Variants in RASAL2 observed in about 807,000 individuals in gnomAD.
RASAL2 encodes the protein RAS protein activator like 2, also known as ras GTPase-activating protein nGAP.
A neutral mutation model predicts 128.9 loss-of-function variants in RASAL2; 58 were observed. The ratio of observed to expected loss-of-function variants is 0.45; its 90% CI spans 0.36 to 0.56. RASAL2 has a LOEUF of 0.56. RASAL2 is among the 20% of genes least tolerant of loss of function. The probability of loss-of-function intolerance (pLI) is 0.00; values close to 1 mark genes in which losing one functional copy is unlikely to be tolerated. For synonymous variants in RASAL2, 561 were observed against 580.8 expected, an observed-to-expected ratio of 0.97 and a Z score of 0.49; for missense variants, 1,360 against 1,601.6, an observed-to-expected ratio of 0.85 and a Z score of 2.57.
intron 1 of RASAL2, among the ~76,000 whole-genome samples, chr1:178,188,289 A>C (rs530472861): frequency 3.9e-5 from 6 of 152,026 alleles, no homozygotes; most frequent in Non-Finnish European, 8.8e-5. Context: ...TGTTTCCTCA[A>C]ATTCATTGAG....
chr1:178,343,464 C>T (rs1273738752), intron 3 of RASAL2, among the ~76,000 whole-genome samples: 1 of 152,116 alleles, frequency 6.6e-6, no homozygotes, highest in African/African-American at 2.4e-5. Flanking sequence ...AGATTCTTCT[C>T]TGAGCTTTTA....
rs910398998 is a variant in RASAL2, at chr1:178,451,497, A to C, written c.1628-74A>C. On this transcript the variant is annotated intron_variant, in intron 9 of 17. Transcript: ENST00000367649. ...TTCCCCATTATACGTTTTAGGACAG[A>C]AATCATAAGTCCTTTTATTCTATTC... 9 of 1,447,772 alleles carry C rather than the reference A, an allele frequency of 6.2e-6. No homozygotes were observed. In the African/African-American group the frequency reaches 1.1e-4, roughly 18 times the overall value. 89.7% of individuals were successfully genotyped at this position (1,447,772 alleles called of 1,614,324 possible). A position where few individuals can be genotyped will look rare whatever the true frequency, so the allele number is the denominator to read the frequency against.
chr1:178,197,455 A>G (rs1255718209), intron 1 of RASAL2, among the ~76,000 whole-genome samples: 1 of 138,518 alleles, frequency 7.2e-6, no homozygotes, highest in Non-Finnish European at 1.7e-5. Flanking sequence ...CTCTGTCTCG[A>G]AAAAAAAACC....
intron 1 of RASAL2, among the ~76,000 whole-genome samples, chr1:178,154,391 C>T (rs1436589024): frequency 6.6e-6 from 1 of 152,050 alleles, no homozygotes; most frequent in East Asian, 1.9e-4. Context: ...TCAAGCAGTC[C>T]TCCGGCCTTG....
chr1:178,328,281 G>T (rs1412390475), intron 3 of RASAL2, among the ~76,000 whole-genome samples: 1 of 151,470 alleles, frequency 6.6e-6, no homozygotes, highest in Non-Finnish European at 1.5e-5. Context: ...AATTTGTATG[G>T]GTACATAGTA....
intron 3 of RASAL2, among the ~76,000 whole-genome samples, chr1:178,326,198 A>G (rs1669032107): frequency 6.6e-6 from 1 of 152,190 alleles, no homozygotes; most frequent in Non-Finnish European, 1.5e-5. Flanking sequence ...GCAGAATCTC[A>G]TGTACCCATG....
chr1:178,415,947 T>G (rs1368035876), intron 4 of RASAL2, among the ~76,000 whole-genome samples: 1 of 152,100 alleles, frequency 6.6e-6, no homozygotes, highest in Non-Finnish European at 1.5e-5. Flanking sequence ...TTTATGTGCC[T>G]TTATATTTAA....
At chr1:178,297,126 A>G (rs915893944) in intron 2 of RASAL2, among the ~76,000 whole-genome samples, 1 of 152,140 alleles carries the variant, frequency 6.6e-6, no homozygotes, top group African/African-American at 2.4e-5. Context: ...CAGTATAAAC[A>G]AGTAAATATG....
At chr1:178,447,891 A>ATGAGATTC (rs1191833644) in intron 9 of RASAL2, among the ~76,000 whole-genome samples, 1 of 152,080 alleles carries the variant, frequency 6.6e-6, no homozygotes, top group Non-Finnish European at 1.5e-5. Context: ...TAGGGGGATG[A>ATGAGATTC]TGAGATTCTT....
At chr1:178,242,510 T>C (rs1426487073) in intron 1 of RASAL2, among the ~76,000 whole-genome samples, 2 of 144,846 alleles carry the variant, frequency 1.4e-5, no homozygotes, top group East Asian at 4.2e-4. Flanking sequence ...TCTCTCTCTC[T>C]CCCCACTCCT....
chr1:178,432,370 C>G (rs1279679080), intron 5 of RASAL2, among the ~76,000 whole-genome samples: 1 of 152,042 alleles, frequency 6.6e-6, no homozygotes, highest in African/African-American at 2.4e-5. Flanking sequence ...ATTAATCCAC[C>G]TTTCTTGAGA....
chr1:178,362,861 A>G (rs180765838), intron 3 of RASAL2, among the ~76,000 whole-genome samples: 1 of 152,074 alleles, frequency 6.6e-6, no homozygotes, highest in South Asian at 2.1e-4. Flanking sequence ...TCAAGGATGA[A>G]TATTTCATTA....
At chr1:178,122,751 T>TGTGAA (rs1659762640) in intron 1 of RASAL2, among the ~76,000 whole-genome samples, 1 of 152,186 alleles carries the variant, frequency 6.6e-6, no homozygotes, top group African/African-American at 2.4e-5. Context: ...GTAGTTTTTT[T>TGTGAA]CACAAGGGAA....
At chr1:178,178,945 T>C (rs1444342535) in intron 1 of RASAL2, among the ~76,000 whole-genome samples, 1 of 152,204 alleles carries the variant, frequency 6.6e-6, no homozygotes, top group Non-Finnish European at 1.5e-5. Context: ...TATAGCCAGA[T>C]TTCATTTATA....
chr1:178,379,833 T>A (rs1290829697), intron 3 of RASAL2, among the ~76,000 whole-genome samples: 1 of 152,208 alleles, frequency 6.6e-6, no homozygotes, highest in African/African-American at 2.4e-5. Flanking sequence ...TGAACAGATA[T>A]CTAAAGAAAA....
At chr1:178,323,782 A>G (rs1340006182) in intron 3 of RASAL2, among the ~76,000 whole-genome samples, 4 of 152,198 alleles carry the variant, frequency 2.6e-5, no homozygotes, top group Non-Finnish European at 5.9e-5. Flanking sequence ...GGAAATGACC[A>G]TTTTATCCTT....
At chr1:178,112,832 C>T (rs963186477) in intron 1 of RASAL2, among the ~76,000 whole-genome samples, 2 of 150,874 alleles carry the variant, frequency 1.3e-5, no homozygotes, top group Admixed American at 1.3e-4. Flanking sequence ...GTGGGTGCAG[C>T]ACACCAGCAT....
intron 2 of RASAL2, among the ~76,000 whole-genome samples, chr1:178,293,407 C>T (rs1667365908): frequency 2.0e-5 from 3 of 152,276 alleles, no homozygotes; most frequent in Non-Finnish European, 4.4e-5. Flanking sequence ...ATCTGTAGGA[C>T]GTATTGGAAG....
intron 1 of RASAL2, among the ~76,000 whole-genome samples, chr1:178,254,214 G>A (rs1392210114): frequency 6.6e-6 from 1 of 151,984 alleles, no homozygotes; most frequent in Non-Finnish European, 1.5e-5. Flanking sequence ...TTATTCTTCT[G>A]GGTAATGTCT....
Sources: gnomAD v4.1 joint callset for allele counts (sites outside exome capture counted in the v4.1 genomes callset) on GRCh38, gnomAD v4.1.1 for gene constraint, MANE v1.5 for transcripts, NCBI Gene and HGNC (gene_info 2026-07-23, HGNC 2026-07-21) for gene names.